Variants in FAF2 observed in about 807,000 individuals in gnomAD.
The protein encoded by FAF2 is FAS-associated factor 2.
Under a neutral mutation model 62.3 loss-of-function variants are expected in FAF2, and 9 were observed. The ratio of observed to expected loss-of-function variants is 0.14; its 90% CI spans 0.09 to 0.25. The LOEUF is 0.25. Ranked by LOEUF, FAF2 falls within the 10% of genes least tolerant of loss-of-function variation. The pLI is 1.00. For missense variants in FAF2, 368 were observed against 556.2 expected (o/e 0.66, Z 3.40); for synonymous variants, 202 against 198.0 (o/e 1.02, Z -0.17).
chr5:176,460,448 G>A (rs1758357446), intron 1 of FAF2, among the ~76,000 whole-genome samples: 1 of 151,144 alleles, frequency 6.6e-6, no homozygotes, highest in Non-Finnish European at 1.5e-5. Flanking sequence ...GGTACAAAAT[G>A]GTAACTCATT....
chr5:176,454,577 G>GAAAAAAAAAAAAAAAAAAAAAAAAA (rs56324116), intron 1 of FAF2, among the ~76,000 whole-genome samples: 2 of 95,306 alleles, frequency 2.1e-5, no homozygotes, highest in African/African-American at 4.3e-5. Flanking sequence ...GATTCTGTCT[G>GAAAAAAAAAAAAAAAAAAAAAAAAA]AAAAAAAAAA....
intron 8 of FAF2, 171 bp downstream of exon 8, chr5:176,496,834 A>G: frequency 2.2e-6 from 1 of 451,126 alleles, no homozygotes; most frequent in Non-Finnish European, 3.8e-6. Context: ...ATTACTCTAT[A>G]TCAGGTAATC....
chr5:176,504,533 G>A (rs1320820942), intron 10 of FAF2, among the ~76,000 whole-genome samples: 7 of 151,860 alleles, frequency 4.6e-5, no homozygotes, highest in Non-Finnish European at 8.8e-5. Context: ...GCAGTGAGCC[G>A]AGATCCTGCC....
intron 9 of FAF2, 31 bp downstream of exon 9, chr5:176,499,116 T>C (rs747243120): frequency 3.3e-6 from 5 of 1,531,858 alleles, no homozygotes; most frequent in Non-Finnish European, 4.4e-6. Context: ...CTCCCTGTGG[T>C]TCCCAAACTG....
intron 1 of FAF2, among the ~76,000 whole-genome samples, chr5:176,451,845 CACATATATAT>C (rs1326974985): frequency 1.3e-4 from 5 of 38,880 alleles, no homozygotes; most frequent in African/African-American, 7.3e-4. Context: ...TATATATACA[CACATATATAT>C]ACACATATAT....
In FAF2 at chr5:176,507,616, GC is replaced by G. The variant is rs778672655; in HGVS notation, c.*670del. On this transcript the variant is annotated 3_prime_UTR_variant, in exon 11 of 11. Transcript: ENST00000261942. Reference sequence around the variant, plus strand: ...TAGCCCACAATAGTGTAATAAAAGTGCCCCGGGCTGGTTTGTGCTTATTTCT... The same window carrying G: ...TAGCCCACAATAGTGTAATAAAAGTGCCCGGGCTGGTTTGTGCTTATTTCT... 2.0e-5 allele frequency: 3 copies of G among 153,388 alleles called. No individual in the cohort carries two copies. The East Asian group carries it at 5.8e-4, about 29-fold the overall frequency. 9.5% of individuals were successfully genotyped at this position (153,388 alleles called of 1,614,324 possible).
chr5:176,454,690 C>T (rs932067044), intron 1 of FAF2, among the ~76,000 whole-genome samples: 7 of 151,572 alleles, frequency 4.6e-5, no homozygotes, highest in Non-Finnish European at 7.4e-5. Context: ...TTTATTTCCC[C>T]ATTCTAATTC....
At chr5:176,500,865 G>A (rs1305030967) in intron 10 of FAF2, among the ~76,000 whole-genome samples, 1 of 152,164 alleles carries the variant, frequency 6.6e-6, no homozygotes, top group African/African-American at 2.4e-5. Flanking sequence ...CCGTGCTCAT[G>A]CCTGTAATCC....
chr5:176,467,321 CTTTTTTTGGT>C (rs1047596600), intron 1 of FAF2, among the ~76,000 whole-genome samples: 9 of 151,564 alleles, frequency 5.9e-5, no homozygotes, highest in African/African-American at 1.2e-4. Flanking sequence ...TGTCAGTAGA[CTTTTTTTGGT>C]TTTTTTTGGT....
At chr5:176,486,304 T>G in intron 2 of FAF2, 51 bp from the exon 3 acceptor site, 3 of 1,606,722 alleles carry the variant, frequency 1.9e-6, no homozygotes, top group Non-Finnish European at 2.6e-6. Context: ...CTCTTGTTGT[T>G]GGTTGATTTG....
At chr5:176,466,893 C>G (rs1411519864) in intron 1 of FAF2, among the ~76,000 whole-genome samples, 1 of 152,198 alleles carries the variant, frequency 6.6e-6, no homozygotes, top group Non-Finnish European at 1.5e-5. Context: ...GGGGTTCAGT[C>G]TCTAGTAAGA....
rs372070495 is a variant in FAF2 at position 176,492,272 on chromosome 5, C to T, written c.423C>T (p.His141=). 4 of 1,614,076 alleles carry T rather than the reference C, an allele frequency of 2.5e-6. No individual in the cohort carries two copies. In the African/African-American group the frequency reaches 5.3e-5, roughly 22 times the overall value. Residue 141 remains histidine (H), a synonymous_variant, in exon 5 of 11, where the codon CAC becomes CAT. Coordinates refer to ENST00000261942, the MANE Select transcript of FAF2 (RefSeq NM_014613.3). The stretch of plus-strand genomic sequence containing the variant: ...TTGGGGACATTGTTTCATTTATGCA[C>T]TCTTTTGAAGAGAAATATGGGAGGG... ...DPVGDIVSFM[H]SFEEKYGRAH... is the part of the protein sequence containing the mutation.
intron 1 of FAF2, among the ~76,000 whole-genome samples, chr5:176,460,572 G>T (rs1343517015): frequency 6.7e-6 from 1 of 149,066 alleles, no homozygotes; most frequent in Non-Finnish European, 1.5e-5. Flanking sequence ...TTTCCTGAGG[G>T]TCTCACTTTG....
intron 10 of FAF2, among the ~76,000 whole-genome samples, chr5:176,501,042 A>G (rs1169608992): frequency 1.3e-5 from 2 of 151,998 alleles, no homozygotes; most frequent in Non-Finnish European, 2.9e-5. Flanking sequence ...CAGGAGAATC[A>G]CTTGAACCCG....
intron 1 of FAF2, among the ~76,000 whole-genome samples, chr5:176,473,442 C>T (rs749045208): frequency 5.9e-5 from 9 of 152,154 alleles, no homozygotes; most frequent in South Asian, 2.1e-4. Context: ...TTATCACTGT[C>T]GATGTTTTGG....
intron 10 of FAF2, among the ~76,000 whole-genome samples, chr5:176,502,124 T>C (rs1205949977): frequency 1.3e-5 from 2 of 152,212 alleles, no homozygotes; most frequent in African/African-American, 4.8e-5. Flanking sequence ...ATCCACCATG[T>C]AGTAGGTGGT....
chr5:176,496,343 G>A (rs1036142529), intron 7 of FAF2, 143 bp from the exon 8 acceptor site: 36 of 577,766 alleles, frequency 6.2e-5, no homozygotes, highest in Middle Eastern at 5.2e-4. Flanking sequence ...CTAGGAGGCG[G>A]GGAAAAAGCG....
intron 10 of FAF2, among the ~76,000 whole-genome samples, chr5:176,505,354 T>A (rs1024897486): frequency 1.3e-5 from 2 of 152,208 alleles, no homozygotes; most frequent in Non-Finnish European, 2.9e-5. Context: ...CTCCTAATAC[T>A]GCCTCCCTTC....
At chr5:176,495,705 T>C (rs1443921206) in intron 7 of FAF2, among the ~76,000 whole-genome samples, 1 of 151,570 alleles carries the variant, frequency 6.6e-6, no homozygotes, top group East Asian at 1.9e-4. Context: ...AGAGATGGGG[T>C]TTCATTATGT....
Sources: allele counts gnomAD v4.1 joint callset (sites outside exome capture counted in the v4.1 genomes callset), GRCh38; gene constraint gnomAD v4.1.1; transcripts MANE v1.5; gene names NCBI Gene and HGNC (gene_info 2026-07-23, HGNC 2026-07-21).